Variants in DPF3 observed in about 807,000 individuals in gnomAD.
DPF3 encodes the protein double PHD fingers 3.
In DPF3, 18 loss-of-function variants were observed where a neutral mutation model predicts 56.8. The ratio of observed to expected loss-of-function variants is 0.32; its 90% CI spans 0.22 to 0.47. DPF3 has a LOEUF of 0.47. DPF3 is among the 20% of genes least tolerant of loss of function. The probability of loss-of-function intolerance (pLI) is 1.00; values close to 1 mark genes in which losing one functional copy is unlikely to be tolerated. For synonymous variants in DPF3, 188 were observed against 180.2 expected (o/e 1.04, Z -0.35); for missense variants, 403 against 488.8 (o/e 0.82, Z 1.65).
In DPF3 at chr14:72,616,136, A is replaced by G. The variant is rs1194339924; in HGVS notation, c.*3161T>C. Among the ~76,000 whole-genome samples the G allele has an allele frequency of 6.6e-6, 1 of 152,218 alleles. No homozygotes were observed. The highest frequency in any genetic ancestry group is 1.5e-5 in the Non-Finnish European group (1 of 68,042). Reference sequence around the variant, plus strand: ...GTCACCTTGAATACCTGCAAAGACCATGCTGGATAGGCCATGTTTCCCCAC... The same window carrying G: ...GTCACCTTGAATACCTGCAAAGACCGTGCTGGATAGGCCATGTTTCCCCAC... On this transcript the variant is annotated 3_prime_UTR_variant, in exon 11 of 11. Coordinates refer to ENST00000556509, the MANE Select transcript of DPF3 (RefSeq NM_001280542.3).
chr14:72,692,427 G>T (rs564852136), intron 7 of DPF3, among the ~76,000 whole-genome samples: 27 of 152,316 alleles, frequency 1.8e-4, no homozygotes, highest in Non-Finnish European at 3.2e-4. Context: ...TTCATAATTG[G>T]AAGTTGAGGT....
chr14:72,724,735 G>C (rs887493398), intron 4 of DPF3, among the ~76,000 whole-genome samples: 9 of 151,222 alleles, frequency 6.0e-5, no homozygotes, highest in East Asian at 3.9e-4. Context: ...CTGAGACAGG[G>C]ACTCACTTTA....
intron 6 of DPF3, among the ~76,000 whole-genome samples, chr14:72,694,938 T>C (rs1340125610): frequency 6.6e-6 from 1 of 152,214 alleles, no homozygotes; most frequent in Non-Finnish European, 1.5e-5. Flanking sequence ...TAATATTTCC[T>C]ATTATTGAAC....
At chr14:72,812,649 C>T (rs1355497768) in intron 1 of DPF3, among the ~76,000 whole-genome samples, 1 of 152,056 alleles carries the variant, frequency 6.6e-6, no homozygotes, top group African/African-American at 2.4e-5. Flanking sequence ...CAGGGCTCAG[C>T]AGGGCATGGA....
intron 7 of DPF3, among the ~76,000 whole-genome samples, chr14:72,684,045 C>T (rs1393507493): frequency 1.3e-5 from 2 of 151,844 alleles, no homozygotes; most frequent in African/African-American, 4.8e-5. Flanking sequence ...TTATATTTTA[C>T]ATATATATAT....
intron 1 of DPF3, among the ~76,000 whole-genome samples, chr14:72,817,176 A>G (rs1243303453): frequency 6.6e-6 from 1 of 152,160 alleles, no homozygotes; most frequent in Non-Finnish European, 1.5e-5. Context: ...CTTGTCTCCC[A>G]TGACTCACCA....
At chr14:72,794,798 G>A (rs1407881749) in intron 1 of DPF3, among the ~76,000 whole-genome samples, 1 of 152,150 alleles carries the variant, frequency 6.6e-6, no homozygotes, top group Non-Finnish European at 1.5e-5. Flanking sequence ...CGAGTCCTAA[G>A]GCTAAAAATC....
At chr14:72,851,918 G>T (rs958605813) in intron 1 of DPF3, among the ~76,000 whole-genome samples, 1 of 152,248 alleles carries the variant, frequency 6.6e-6, no homozygotes, top group Admixed American at 6.5e-5. Flanking sequence ...GAGCTTTGAG[G>T]ACAGCAGAGC....
At chr14:72,746,840 C>G (rs977068994) in intron 3 of DPF3, among the ~76,000 whole-genome samples, 1 of 152,230 alleles carries the variant, frequency 6.6e-6, no homozygotes, top group Admixed American at 6.5e-5. Context: ...ACGCCATGTG[C>G]AGGTGGGGAC....
intron 1 of DPF3, among the ~76,000 whole-genome samples, chr14:72,857,228 C>G (rs963592716): frequency 1.1e-4 from 16 of 152,064 alleles, no homozygotes; most frequent in African/African-American, 3.9e-4. Flanking sequence ...CCTTGACCAC[C>G]AAATGTGAAT....
Position 72,838,906 on chromosome 14 carries a change from T to TATATATATATATA in DPF3, c.32+55150_32+55151insTATATATATATAT, listed in dbSNP as rs375598670. ...TCTATCATATATATTATCATATATATTCTTTTTTTTTTTTTTTTTTTTTTT... is the reference window on the plus strand; with the variant it reads ...TCTATCATATATATTATCATATATATATATATATATATATCTTTTTTTTTTTTTTTTTTTTTTT... On this transcript the variant is annotated intron_variant, in intron 1 of 10. Transcript: ENST00000556509. Among the ~76,000 whole-genome samples, 323 of 87,618 alleles carry TATATATATATATA rather than the reference T, an allele frequency of 3.7e-3. 2 individuals carry two copies. The highest frequency in any genetic ancestry group is 0.016 in the Middle Eastern group (2 of 126). The allele number at this position is 87,618 out of a possible 152,430, so 57.5% of individuals were successfully genotyped here. A position where few individuals can be genotyped will look rare whatever the true frequency, so the allele number is the denominator to read the frequency against.
At chr14:72,632,234 C>T (rs566503834) in intron 8 of DPF3, among the ~76,000 whole-genome samples, 1 of 152,288 alleles carries the variant, frequency 6.6e-6, no homozygotes, top group South Asian at 2.1e-4. Context: ...TGAAGTGGTT[C>T]TGTATCTTGA....
intron 8 of DPF3, among the ~76,000 whole-genome samples, chr14:72,673,631 C>A (rs548008657): frequency 6.6e-6 from 1 of 152,306 alleles, no homozygotes; most frequent in Admixed American, 6.5e-5. Flanking sequence ...TAAACATATA[C>A]ACCAAATCAA....
chr14:72,818,536 G>T lies in DPF3; in HGVS notation c.33-46643C>A, dbSNP rs200892373. On this transcript the variant is annotated intron_variant, in intron 1 of 10. Coordinates refer to ENST00000556509, the MANE Select transcript of DPF3 (RefSeq NM_001280542.3). ...CTCTACAAAGAAGTTTATTAACCAG[G>T]TGTGGTGGCTCATGCCTGCCGTCCC... Among the ~76,000 whole-genome samples, 6 of 152,174 alleles carry T rather than the reference G, an allele frequency of 3.9e-5. No individual in the cohort carries two copies. In the East Asian group the frequency reaches 9.6e-4, roughly 24 times the overall value.
At chr14:72,775,448 A>C (rs1156493372) in intron 1 of DPF3, among the ~76,000 whole-genome samples, 2 of 152,242 alleles carry the variant, frequency 1.3e-5, no homozygotes, top group Non-Finnish European at 2.9e-5. Flanking sequence ...GAGGTTGGCC[A>C]ACACTGGTGC....
intron 1 of DPF3, among the ~76,000 whole-genome samples, chr14:72,884,419 G>A (rs1886436270): frequency 6.6e-6 from 1 of 152,136 alleles, no homozygotes; most frequent in Non-Finnish European, 1.5e-5. Context: ...ACTGCCTGAG[G>A]AGGCCATGAT....
At chr14:72,679,685 C>T (rs1887073213) in intron 7 of DPF3, among the ~76,000 whole-genome samples, 3 of 152,276 alleles carry the variant, frequency 2.0e-5, no homozygotes, top group South Asian at 4.1e-4. Context: ...TCCTGGGCTC[C>T]GGCAGCCTCC....
intron 5 of DPF3, among the ~76,000 whole-genome samples, chr14:72,718,922 C>T (rs1275477833): frequency 6.6e-6 from 1 of 151,540 alleles, no homozygotes; most frequent in African/African-American, 2.4e-5. Context: ...AGGTGCATGC[C>T]GGCATGCCCA....
At chr14:72,714,844 C>A (rs1296924065) in intron 5 of DPF3, among the ~76,000 whole-genome samples, 2 of 152,170 alleles carry the variant, frequency 1.3e-5, no homozygotes, top group African/African-American at 4.8e-5. Flanking sequence ...AAGCCCTCCT[C>A]TACCAAATTC....
Sources: gnomAD v4.1 joint callset for allele counts (sites outside exome capture counted in the v4.1 genomes callset) on GRCh38, gnomAD v4.1.1 for gene constraint, MANE v1.5 for transcripts, NCBI Gene and HGNC (gene_info 2026-07-23, HGNC 2026-07-21) for gene names.